PTPRD: variants seen among roughly 807,000 people sequenced by gnomAD.
PTPRD encodes protein tyrosine phosphatase receptor type D, also known as receptor-type tyrosine-protein phosphatase delta.
A neutral mutation model predicts 214.5 loss-of-function variants in PTPRD; 34 were observed. That is an observed-to-expected ratio of 0.16 (90% CI 0.12 to 0.21). The LOEUF is 0.21. Among genes scored for constraint, PTPRD ranks in the 10% least tolerant of loss-of-function variants. The pLI is 1.00. For synonymous variants in PTPRD, 1,128 were observed against 845.7 expected (o/e 1.33, Z -5.79); for missense variants, 2,545 against 2,398.7 (o/e 1.06, Z -1.27).
At chr9:9,344,447 G>T (rs769253300) in intron 9 of PTPRD, among the ~76,000 whole-genome samples, 52 of 151,910 alleles carry the variant, frequency 3.4e-4, no homozygotes, top group Non-Finnish European at 3.4e-4. Flanking sequence ...ATGCTTATGT[G>T]ACAAAACTAC....
At position 9,940,142 on chromosome 9, in the gene PTPRD, G is replaced by A. The variant is rs921722180; in HGVS notation, c.-471-1532C>T. ...TTGATACCATCTCTAGACTTGCAGG[G>A]ATGAGGGGAGTGAGCAGTTACTGAC... On this transcript the variant is annotated intron_variant, in intron 4 of 45. Coordinates refer to ENST00000381196, the MANE Select transcript of PTPRD (RefSeq NM_002839.4). Among the ~76,000 whole-genome samples, 4 of 152,154 alleles carry A rather than the reference G, an allele frequency of 2.6e-5. 1 individual carries two copies. Among genetic ancestry groups the A allele is most frequent in the South Asian group, 4.1e-4 (2 of 4,836 alleles).
intron 7 of PTPRD, among the ~76,000 whole-genome samples, chr9:9,672,106 G>A (rs2096843104): frequency 6.6e-6 from 1 of 152,096 alleles, no homozygotes; most frequent in African/African-American, 2.4e-5. Flanking sequence ...TATAGTAGGG[G>A]CAATGCATTT....
chr9:9,409,132 AT>A (rs1377672042), intron 8 of PTPRD, among the ~76,000 whole-genome samples: 2 of 151,926 alleles, frequency 1.3e-5, no homozygotes, highest in African/African-American at 2.4e-5. Context: ...ATGCTTTCTT[AT>A]TTTAATATAA....
intron 9 of PTPRD, among the ~76,000 whole-genome samples, chr9:9,352,327 ATGTG>A (rs1055505531): frequency 8.6e-4 from 59 of 68,434 alleles, no homozygotes; most frequent in African/African-American, 1.2e-3. Context: ...ATATATATAT[ATGTG>A]TGTGTGTGTG....
At chr9:10,229,968 C>G (rs543432509) in intron 3 of PTPRD, among the ~76,000 whole-genome samples, 2 of 151,966 alleles carry the variant, frequency 1.3e-5, no homozygotes, top group Non-Finnish European at 2.9e-5. Context: ...TTAATACACT[C>G]GTATATATTT....
At chr9:9,416,310 G>A (rs148960145) in intron 8 of PTPRD, among the ~76,000 whole-genome samples, 2 of 152,192 alleles carry the variant, frequency 1.3e-5, no homozygotes, top group African/African-American at 4.8e-5. Context: ...GCAGTGTTAT[G>A]AGTGGGTAAG....
intron 3 of PTPRD, among the ~76,000 whole-genome samples, chr9:10,305,966 T>C (rs2096053864): frequency 6.6e-6 from 1 of 152,066 alleles, no homozygotes; most frequent in Non-Finnish European, 1.5e-5. Context: ...TAAAGACATA[T>C]ACACATATAT....
chr9:10,516,487 T>C (rs752396600), intron 2 of PTPRD, among the ~76,000 whole-genome samples: 15 of 151,966 alleles, frequency 9.9e-5, no homozygotes, highest in Admixed American at 2.6e-4. Flanking sequence ...TTATCAGATA[T>C]ATGGTTTGCA....
intron 2 of PTPRD, among the ~76,000 whole-genome samples, chr9:10,501,700 A>G (rs374221387): frequency 2.6e-5 from 4 of 152,010 alleles, no homozygotes; most frequent in East Asian, 1.9e-4. Context: ...TTTTCCTAGT[A>G]CTGATAGGGA....
chr9:9,410,832 A>G (rs2075152767), intron 8 of PTPRD, among the ~76,000 whole-genome samples: 1 of 152,146 alleles, frequency 6.6e-6, no homozygotes, highest in Admixed American at 6.5e-5. Flanking sequence ...TTTCCTGCAT[A>G]CACATGTAAA....
chr9:9,867,996 C>T (rs1254985678), intron 5 of PTPRD, among the ~76,000 whole-genome samples: 2 of 152,132 alleles, frequency 1.3e-5, no homozygotes, highest in Non-Finnish European at 2.9e-5. Flanking sequence ...TAATTCCTTT[C>T]CCCTCACAAG....
At chr9:9,555,726 C>T (rs1284299946) in intron 8 of PTPRD, among the ~76,000 whole-genome samples, 1 of 152,028 alleles carries the variant, frequency 6.6e-6, no homozygotes, top group Non-Finnish European at 1.5e-5. Flanking sequence ...TCTGAATATA[C>T]AGATAAAACT....
At chr9:10,300,809 C>G (rs2095840389) in intron 3 of PTPRD, among the ~76,000 whole-genome samples, 1 of 152,060 alleles carries the variant, frequency 6.6e-6, no homozygotes, top group Non-Finnish European at 1.5e-5. Context: ...AGACCGAGCA[C>G]CTGGGGGAAG....
intron 11 of PTPRD, among the ~76,000 whole-genome samples, chr9:8,783,645 G>A (rs570261852): frequency 6.6e-6 from 1 of 152,298 alleles, no homozygotes; most frequent in South Asian, 2.1e-4. Flanking sequence ...TCAAGGTGAA[G>A]CCCACTGGTG....
chr9:8,479,548 A>G (rs780463164), intron 30 of PTPRD, among the ~76,000 whole-genome samples: 94 of 152,314 alleles, frequency 6.2e-4, no homozygotes, highest in Non-Finnish European at 1.0e-3. Context: ...AAATTGAACA[A>G]GCTAAAAATA....
chr9:10,469,299 G>C (rs1276609318), intron 2 of PTPRD, among the ~76,000 whole-genome samples: 1 of 152,038 alleles, frequency 6.6e-6, no homozygotes, highest in African/African-American at 2.4e-5. Flanking sequence ...TATTTTAAAA[G>C]TCAGCATTTA....
intron 8 of PTPRD, among the ~76,000 whole-genome samples, chr9:9,497,141 T>C (rs574884856): frequency 6.6e-6 from 1 of 152,282 alleles, no homozygotes; most frequent in East Asian, 1.9e-4. Flanking sequence ...TTTAGTTTTA[T>C]AAGATGAGAA....
chr9:9,483,567 TG>T (rs2095504846), intron 8 of PTPRD, among the ~76,000 whole-genome samples: 2 of 152,152 alleles, frequency 1.3e-5, no homozygotes, highest in Admixed American at 1.3e-4. Context: ...AAGCAACTTG[TG>T]GGTATTGGTT....
At chr9:9,560,768 T>TA (rs2082716578) in intron 8 of PTPRD, among the ~76,000 whole-genome samples, 1 of 151,938 alleles carries the variant, frequency 6.6e-6, no homozygotes. Flanking sequence ...GCAGCTCTCT[T>TA]ACACAGCTTA....
Sources: allele counts gnomAD v4.1 joint callset (sites outside exome capture counted in the v4.1 genomes callset), GRCh38; gene constraint gnomAD v4.1.1; transcripts MANE v1.5; gene names NCBI Gene and HGNC (gene_info 2026-07-23, HGNC 2026-07-21).